The following PCDH7 variants were observed in gnomAD, a reference collection of about 807,000 sequenced individuals.
The protein encoded by PCDH7 is protocadherin-7.
PCDH7 carries 17 observed loss-of-function variants against 58.9 expected under a neutral mutation model. That is an observed-to-expected ratio of 0.29 (90% CI 0.20 to 0.43). The LOEUF is 0.43. Ranked by LOEUF, PCDH7 falls within the 20% of genes least tolerant of loss-of-function variation. The pLI is 1.00. For missense variants in PCDH7, 1,274 were observed against 1,441.0 expected (o/e 0.88, Z 1.88); for synonymous variants, 664 against 616.4 (o/e 1.08, Z -1.14).
At chr4:31,027,183 A>G (rs1184099814) in intron 3 of PCDH7, among the ~76,000 whole-genome samples, 2 of 152,050 alleles carry the variant, frequency 1.3e-5, no homozygotes, top group East Asian at 1.9e-4. Flanking sequence ...TTGGTGGAGT[A>G]GCTAAATTAA....
chr4:31,043,810 T>G (rs1252975262), intron 3 of PCDH7, among the ~76,000 whole-genome samples: 1 of 152,100 alleles, frequency 6.6e-6, no homozygotes, highest in Non-Finnish European at 1.5e-5. Flanking sequence ...GTTCTTTAGT[T>G]AATATTTTCA....
At chr4:30,970,296 C>CTTT (rs144330919) in intron 3 of PCDH7, among the ~76,000 whole-genome samples, 1 of 145,954 alleles carries the variant, frequency 6.9e-6, no homozygotes, top group Non-Finnish European at 1.5e-5. Context: ...TGAATGATAC[C>CTTT]TTTTTTTTTT....
intron 1 of PCDH7, among the ~76,000 whole-genome samples, chr4:30,805,913 C>A (rs1726137166): frequency 1.3e-5 from 2 of 152,174 alleles, no homozygotes; most frequent in Admixed American, 1.3e-4. Context: ...GGTTGAATAT[C>A]CCTTATCTGA....
At chr4:31,095,896 G>A (rs1713908313) in intron 3 of PCDH7, among the ~76,000 whole-genome samples, 1 of 152,048 alleles carries the variant, frequency 6.6e-6, no homozygotes, top group South Asian at 2.1e-4. Flanking sequence ...ATACAAATAA[G>A]GTCTTACAAA....
intron 3 of PCDH7, among the ~76,000 whole-genome samples, chr4:30,954,871 T>C (rs1394512114): frequency 6.6e-6 from 1 of 152,162 alleles, no homozygotes; most frequent in Non-Finnish European, 1.5e-5. Flanking sequence ...TTTCCTCAGC[T>C]GCAAAATAAG....
intron 3 of PCDH7, among the ~76,000 whole-genome samples, chr4:30,981,522 C>T (rs1342621460): frequency 6.6e-6 from 1 of 152,102 alleles, no homozygotes; most frequent in African/African-American, 2.4e-5. Flanking sequence ...CTATCTGGTG[C>T]CTTGCAGCCC....
At chr4:31,089,560 A>C (rs2109282239) in intron 3 of PCDH7, among the ~76,000 whole-genome samples, 1 of 152,194 alleles carries the variant, frequency 6.6e-6, no homozygotes, top group South Asian at 2.1e-4. Flanking sequence ...TATAGATATA[A>C]AATATCAAAA....
At chr4:31,089,978 T>C (rs1713013018) in intron 3 of PCDH7, among the ~76,000 whole-genome samples, 1 of 152,120 alleles carries the variant, frequency 6.6e-6, no homozygotes. Flanking sequence ...TTTGACCTAA[T>C]AATTACCCTT....
chr4:31,105,614 G>A (rs1319712659), intron 3 of PCDH7, among the ~76,000 whole-genome samples: 1 of 152,124 alleles, frequency 6.6e-6, no homozygotes, highest in African/African-American at 2.4e-5. Context: ...GATGACACTA[G>A]TGTAGGTGTG....
chr4:30,897,155 C>T (rs1213599276), intron 1 of PCDH7, among the ~76,000 whole-genome samples: 3 of 152,004 alleles, frequency 2.0e-5, no homozygotes, highest in South Asian at 2.1e-4. Flanking sequence ...CCTCCCGCCT[C>T]GGCCTCCCAA....
chr4:30,864,848 G>GA lies in PCDH7; in HGVS notation c.71-55297dup, dbSNP rs1311429254. On this transcript the variant is annotated intron_variant, in intron 1 of 3. Coordinates refer to the PCDH7 transcript ENST00000509759. ...AAGCACAGTTGAATAAGGATAATAG[G>GA]AAAAAAAATTTAAGGCAAAATTCAA... Among the ~76,000 whole-genome samples the GA allele has an allele frequency of 4.6e-5, 7 of 151,668 alleles. No individual in the cohort carries two copies. The South Asian group carries it at 1.0e-3, about 23-fold the overall frequency.
chr4:30,726,527 C>T (rs73117592), intron 1 of PCDH7, among the ~76,000 whole-genome samples: 2,738 of 152,036 alleles, frequency 0.018, 100 homozygotes, highest in African/African-American at 0.063. Flanking sequence ...CAGCTAATAT[C>T]AAGACTGTTG....
chr4:30,991,845 T>C (rs28375601), intron 3 of PCDH7, among the ~76,000 whole-genome samples: 400 of 152,284 alleles, frequency 2.6e-3, no homozygotes, highest in African/African-American at 9.3e-3. Flanking sequence ...TATAAGACAG[T>C]ATTTACATAT....
intron 3 of PCDH7, among the ~76,000 whole-genome samples, chr4:31,125,423 A>T (rs986067502): frequency 1.3e-5 from 2 of 152,158 alleles, no homozygotes; most frequent in Non-Finnish European, 2.9e-5. Context: ...CCACATATAG[A>T]GGAGTATTTT....
At chr4:30,833,117 G>A (rs1418402792) in intron 1 of PCDH7, among the ~76,000 whole-genome samples, 1 of 152,126 alleles carries the variant, frequency 6.6e-6, no homozygotes, top group African/African-American at 2.4e-5. Context: ...GTTTTTGTGT[G>A]TGTGCATGCA....
chr4:30,948,384 G>C (rs1746969465), intron 2 of PCDH7, among the ~76,000 whole-genome samples: 4 of 151,416 alleles, frequency 2.6e-5, no homozygotes, highest in African/African-American at 9.7e-5. Flanking sequence ...TTTGGCTTAT[G>C]AGATTCCCAC....
intron 3 of PCDH7, among the ~76,000 whole-genome samples, chr4:31,097,870 T>C (rs989349049): frequency 4.6e-5 from 7 of 151,854 alleles, no homozygotes; most frequent in African/African-American, 1.7e-4. Context: ...AATAAGGCAG[T>C]TAAATGAGAC....
intron 3 of PCDH7, among the ~76,000 whole-genome samples, chr4:30,961,137 G>T (rs902455782): frequency 6.6e-5 from 10 of 151,924 alleles, no homozygotes; most frequent in Non-Finnish European, 5.9e-5. Context: ...TCTTTTATGG[G>T]AATGTGTGTA....
At chr4:30,745,232 C>T (rs1373457667) in intron 1 of PCDH7, among the ~76,000 whole-genome samples, 2 of 134,606 alleles carry the variant, frequency 1.5e-5, no homozygotes, top group African/African-American at 2.6e-5. Context: ...CACGTAATCT[C>T]ATATTTTTAC....
Sources: gnomAD v4.1 joint callset for allele counts (sites outside exome capture counted in the v4.1 genomes callset) on GRCh38, gnomAD v4.1.1 for gene constraint, MANE v1.5 for transcripts, NCBI Gene and HGNC (gene_info 2026-07-23, HGNC 2026-07-21) for gene names.